Variants in LIMS1 observed in about 807,000 individuals in gnomAD.
LIMS1 encodes LIM and senescent cell antigen-like-containing domain protein 1.
LIMS1 carries 18 observed loss-of-function variants against 44.1 expected under a neutral mutation model. The observed-to-expected ratio is 0.41, with a 90% CI of 0.28 to 0.61. The LOEUF is 0.61. LIMS1 is among the 20% of genes least tolerant of loss of function. The probability of loss-of-function intolerance (pLI) is 0.32; values close to 1 mark genes in which losing one functional copy is unlikely to be tolerated. For missense variants in LIMS1, 201 were observed against 422.0 expected (o/e 0.48, Z 4.59); for synonymous variants, 93 against 149.1 (o/e 0.62, Z 2.74).
At chr2:108,615,670 C>A (rs1188402991) in intron 1 of LIMS1, among the ~76,000 whole-genome samples, 1 of 152,156 alleles carries the variant, frequency 6.6e-6, no homozygotes, top group African/African-American at 2.4e-5. Flanking sequence ...ATGTGCAGAG[C>A]CTGCCCATGT....
rs1395794844 is a variant in LIMS1, at chr2:108,659,505, G to T, written c.33-100G>T. ...GCTTTTTAGATAAAATAGGGTTTTT[G>T]TGATCAGATAGAATTTGCTGCTCGG... On this transcript the variant is annotated intron_variant, in intron 1 of 9. Transcript: ENST00000544547. 2.1e-6 allele frequency: 3 copies of T among 1,462,842 alleles called. No individual in the cohort carries two copies. The Admixed American group carries it at 7.0e-5, about 34-fold the overall frequency. The allele number at this position is 1,462,842 out of a possible 1,614,324, so 90.6% of individuals were successfully genotyped here.
Position 108,629,457 on chromosome 2 carries a change from A to G in LIMS1, c.33-30148A>G, listed in dbSNP as rs188047346. 1.9e-3 allele frequency among the ~76,000 whole-genome samples: 290 copies of G among 152,366 alleles called. 3 individuals are homozygous for G. The highest frequency in any genetic ancestry group is 6.6e-3 in the African/African-American group (276 of 41,572). ...AATAGCTAGAGGTTGGATTATTTCA[A>G]AAAGCCAGTCAGTGTTTTTAGAGCT... On this transcript the variant is annotated intron_variant, in intron 1 of 9. Transcript: ENST00000544547.
chr2:108,625,478 C>T (rs1322858121), intron 1 of LIMS1, among the ~76,000 whole-genome samples: 3 of 152,156 alleles, frequency 2.0e-5, no homozygotes, highest in Non-Finnish European at 4.4e-5. Context: ...CCTGTTCCTT[C>T]GGCCATGCTT....
At chr2:108,537,655 C>T (rs1409923693) in intron 1 of LIMS1, among the ~76,000 whole-genome samples, 1 of 152,200 alleles carries the variant, frequency 6.6e-6, no homozygotes, top group Non-Finnish European at 1.5e-5. Context: ...AAGATCATTT[C>T]AGTTCTGGTG....
At chr2:108,681,724 C>A (rs1457866112) in intron 9 of LIMS1, 1 of 322,630 alleles carries the variant, frequency 3.1e-6, no homozygotes, top group Non-Finnish European at 4.4e-6. Flanking sequence ...ATTTTGAGAC[C>A]AGCCTGGACT....
chr2:108,600,643 A>G (rs145014492), intron 1 of LIMS1, among the ~76,000 whole-genome samples: 197 of 152,268 alleles, frequency 1.3e-3, no homozygotes, highest in South Asian at 4.4e-3. Flanking sequence ...TCCTCAGTGT[A>G]CGTTCTTGGC....
intron 2 of LIMS1, chr2:108,660,144 C>T: frequency 2.1e-6 from 1 of 485,460 alleles, no homozygotes; most frequent in South Asian, 1.6e-5. Context: ...TGTCTTTCCC[C>T]CTTCTCAGAG....
intron 1 of LIMS1, among the ~76,000 whole-genome samples, chr2:108,614,263 C>T (rs923758496): frequency 2.4e-4 from 36 of 152,228 alleles, no homozygotes; most frequent in Non-Finnish European, 7.3e-5. Context: ...GGCGCCTCCT[C>T]CACGCGAACT....
chr2:108,585,390 A>T (rs976059685), intron 1 of LIMS1, among the ~76,000 whole-genome samples: 4 of 151,916 alleles, frequency 2.6e-5, no homozygotes, highest in Non-Finnish European at 1.5e-5. Flanking sequence ...TGCCTGAGAG[A>T]GGGCACATTA....
At chr2:108,553,892 A>G (rs1005163688) in intron 1 of LIMS1, among the ~76,000 whole-genome samples, 4 of 152,206 alleles carry the variant, frequency 2.6e-5, no homozygotes, top group African/African-American at 9.7e-5. Flanking sequence ...CTTCTACCAT[A>G]CGGAGAACTT....
At position 108,612,839 on chromosome 2, in the gene LIMS1, C is replaced by T. The variant is rs1209121533; in HGVS notation, c.33-46766C>T. Among the ~76,000 whole-genome samples the T allele has an allele frequency of 4.6e-5, 7 of 152,120 alleles. No homozygotes were observed. The East Asian group carries it at 1.2e-3, about 25-fold the overall frequency. On this transcript the variant is annotated intron_variant, in intron 1 of 9. Transcript: ENST00000544547. ...TGTTTACACTCCGGGGCTTGCGCTG[C>T]GGCTCCTGCGCCTGTCATGCACCCA... is the stretch of plus-strand genomic sequence containing the variant.
At chr2:108,611,332 C>A (rs770457751) in intron 1 of LIMS1, among the ~76,000 whole-genome samples, 3 of 152,190 alleles carry the variant, frequency 2.0e-5, no homozygotes, top group Non-Finnish European at 4.4e-5. Flanking sequence ...CTCAATACAT[C>A]TAGCTCTTGA....
chr2:108,577,711 AAG>A (rs1387052787), intron 1 of LIMS1, among the ~76,000 whole-genome samples: 5 of 152,318 alleles, frequency 3.3e-5, no homozygotes, highest in South Asian at 2.1e-4. Context: ...TTTATTTTTT[AAG>A]AGAGAGAGAA....
intron 1 of LIMS1, among the ~76,000 whole-genome samples, chr2:108,576,525 C>T (rs932144922): frequency 3.3e-5 from 5 of 152,108 alleles, no homozygotes; most frequent in African/African-American, 7.2e-5. Context: ...CTCAGCCTCC[C>T]GAGTAGCTGG....
At chr2:108,586,630 T>C (rs1440286423) in intron 1 of LIMS1, among the ~76,000 whole-genome samples, 2 of 152,140 alleles carry the variant, frequency 1.3e-5, no homozygotes, top group East Asian at 3.9e-4. Context: ...AGTAGAGAAG[T>C]TAACAACAAT....
At chr2:108,590,008 T>A (rs13422997) in intron 1 of LIMS1, among the ~76,000 whole-genome samples, 1 of 152,032 alleles carries the variant, frequency 6.6e-6, no homozygotes, top group Non-Finnish European at 1.5e-5. Flanking sequence ...AGCAGGCCAC[T>A]CTTAAAGGAA....
At chr2:108,647,081 G>C (rs1006141608) in intron 1 of LIMS1, among the ~76,000 whole-genome samples, 4 of 152,024 alleles carry the variant, frequency 2.6e-5, no homozygotes, top group Admixed American at 1.3e-4. Context: ...GAATAATAAA[G>C]AAGAAAAGAG....
At chr2:108,649,037 T>G (rs1333534781) in intron 1 of LIMS1, among the ~76,000 whole-genome samples, 2 of 151,868 alleles carry the variant, frequency 1.3e-5, no homozygotes, top group Non-Finnish European at 2.9e-5. Flanking sequence ...ATCATCAGAG[T>G]GAACAGACAA....
rs533784922 is a variant in LIMS1 at position 108,648,063 on chromosome 2, A to G, written c.33-11542A>G. Reference sequence around the variant, plus strand: ...GATGACATGATTGTATGTTTAGAAAACCCCATCGTGTCAGCCCAGAATCTC... The same window carrying G: ...GATGACATGATTGTATGTTTAGAAAGCCCCATCGTGTCAGCCCAGAATCTC... On this transcript the variant is annotated intron_variant, in intron 1 of 9. Transcript: ENST00000544547. Among the ~76,000 whole-genome samples, 6 of 152,264 alleles carry G rather than the reference A, an allele frequency of 3.9e-5. No homozygotes were observed. The South Asian group carries it at 1.0e-3, about 26-fold the overall frequency.
Sources: gnomAD v4.1 joint callset for allele counts (sites outside exome capture counted in the v4.1 genomes callset) on GRCh38, gnomAD v4.1.1 for gene constraint, MANE v1.5 for transcripts, NCBI Gene and HGNC (gene_info 2026-07-23, HGNC 2026-07-21) for gene names.